Variants in MAPK4 observed in about 807,000 individuals in gnomAD.
MAPK4 encodes the protein Erk3-related.
A neutral mutation model predicts 47.7 loss-of-function variants in MAPK4; 22 were observed. That is an observed-to-expected ratio of 0.46 (90% CI 0.33 to 0.66). MAPK4 has a LOEUF of 0.66. MAPK4 is among the 30% of genes least tolerant of loss of function. The pLI, the probability that MAPK4 is intolerant of heterozygous loss-of-function variation, is 0.02. For missense variants in MAPK4, 736 were observed against 831.7 expected, an observed-to-expected ratio of 0.88 and a Z score of 1.42; for synonymous variants, 390 against 365.7, an observed-to-expected ratio of 1.07 and a Z score of -0.76.
At chr18:50,604,344 T>C (rs530805656) in intron 1 of MAPK4, among the ~76,000 whole-genome samples, 2 of 152,226 alleles carry the variant, frequency 1.3e-5, no homozygotes, top group African/African-American at 4.8e-5. Flanking sequence ...CTGAGAGTGA[T>C]CAATCATGCT....
Position 50,729,838 on chromosome 18 carries a change from C to A in MAPK4, c.1748C>A (p.Ser583Tyr). Reference protein sequence around the residue: ...PGDLVQTEAFSKERW With the variant: ...PGDLVQTEAFYKERW The stretch of plus-strand genomic sequence containing the variant: ...GACCTCGTGCAGACCGAGGCCTTCT[C>A]CAAAGAAAGGTGGTGAGGGCGGAGG... The change falls in exon 6 of 6, where the codon TCC (serine) becomes TAC (tyrosine). Residue 583 changes from serine (S) to tyrosine (Y), a missense_variant. Physicochemically the swap from Ser to Tyr is moderately radical, Grantham distance 144 (BLOSUM62 -2). Around this residue, in one of 3 missense-constraint regions of MAPK4, gnomAD observed 377 missense variants for 378.6 expected, o/e 1.00. Coordinates refer to ENST00000400384, the MANE Select transcript of MAPK4 (RefSeq NM_002747.4). 1 of 1,611,352 alleles carries A rather than the reference C, an allele frequency of 6.2e-7. No individual in the cohort carries two copies. Among genetic ancestry groups the A allele is most frequent in the Non-Finnish European group, 8.5e-7 (1 of 1,179,116 alleles).
At chr18:50,631,594 C>T (rs771382570) in intron 1 of MAPK4, among the ~76,000 whole-genome samples, 37 of 152,182 alleles carry the variant, frequency 2.4e-4, no homozygotes, top group African/African-American at 7.2e-4. Context: ...AGTCCAGGAC[C>T]GTGTGCTTGC....
intron 1 of MAPK4, among the ~76,000 whole-genome samples, chr18:50,631,723 G>A (rs1008544831): frequency 1.3e-5 from 2 of 152,102 alleles, no homozygotes; most frequent in African/African-American, 4.8e-5. Flanking sequence ...CCCAGATGAT[G>A]GTCAGTCCTC....
chr18:50,658,361 C>T (rs143022577), intron 1 of MAPK4, among the ~76,000 whole-genome samples: 11 of 152,258 alleles, frequency 7.2e-5, no homozygotes, highest in South Asian at 6.2e-4. Flanking sequence ...CATACTATGG[C>T]GATTAGAGCG....
chr18:50,606,832 GA>G (rs1453232865), intron 1 of MAPK4, among the ~76,000 whole-genome samples: 3 of 152,226 alleles, frequency 2.0e-5, no homozygotes, highest in Non-Finnish European at 4.4e-5. Context: ...TGTGTGAGCA[GA>G]AGTGACACTT....
chr18:50,657,110 A>G (rs1054587746), intron 1 of MAPK4, among the ~76,000 whole-genome samples: 2 of 152,150 alleles, frequency 1.3e-5, no homozygotes, highest in Non-Finnish European at 2.9e-5. Context: ...AACCGCATCC[A>G]CAAACAGGAA....
intron 1 of MAPK4, among the ~76,000 whole-genome samples, chr18:50,654,781 T>C (rs2043089548): frequency 6.6e-6 from 1 of 152,228 alleles, no homozygotes; most frequent in African/African-American, 2.4e-5. Context: ...GGGACCCAGA[T>C]GCTCCCCTTC....
At chr18:50,604,226 A>G in intron 1 of MAPK4, among the ~76,000 whole-genome samples, 1 of 152,228 alleles carries the variant, frequency 6.6e-6, no homozygotes, top group East Asian at 1.9e-4. Flanking sequence ...ATTTTGAGTT[A>G]CTGAGAGATT....
intron 3 of MAPK4, among the ~76,000 whole-genome samples, chr18:50,717,936 G>T (rs575108142): frequency 6.6e-6 from 1 of 152,342 alleles, no homozygotes; most frequent in South Asian, 2.1e-4. Flanking sequence ...TAGTGCTAAG[G>T]ATGGGGAGAG....
intron 1 of MAPK4, among the ~76,000 whole-genome samples, chr18:50,571,119 G>A (rs1416234867): frequency 6.6e-6 from 1 of 152,172 alleles, no homozygotes. Flanking sequence ...AAAGGGCCCT[G>A]TCTTAGGGGG....
At chr18:50,626,456 C>T (rs537410018) in intron 1 of MAPK4, among the ~76,000 whole-genome samples, 10 of 152,186 alleles carry the variant, frequency 6.6e-5, no homozygotes, top group East Asian at 3.9e-4. Flanking sequence ...TCAGCGTGGA[C>T]GGGGAGTCTG....
chr18:50,693,673 T>C (rs1435213793), intron 2 of MAPK4, among the ~76,000 whole-genome samples: 2 of 152,230 alleles, frequency 1.3e-5, no homozygotes, highest in African/African-American at 4.8e-5. Context: ...GGTGGAGTGG[T>C]GCTTTCAAGC....
At chr18:50,611,947 T>C (rs1244016713) in intron 1 of MAPK4, among the ~76,000 whole-genome samples, 2 of 152,192 alleles carry the variant, frequency 1.3e-5, no homozygotes, top group Non-Finnish European at 2.9e-5. Flanking sequence ...GATCGAAGTA[T>C]GAGTTACATA....
intron 2 of MAPK4, among the ~76,000 whole-genome samples, chr18:50,674,382 A>T (rs1908139618): frequency 6.6e-6 from 1 of 152,224 alleles, no homozygotes; most frequent in South Asian, 2.1e-4. Flanking sequence ...GTATAGAAAT[A>T]GAAGGCTCGG....
intron 1 of MAPK4, among the ~76,000 whole-genome samples, chr18:50,650,018 C>A (rs1356516129): frequency 6.6e-6 from 1 of 152,210 alleles, no homozygotes; most frequent in African/African-American, 2.4e-5. Context: ...AATAACTACA[C>A]TGTGCAGGTT....
chr18:50,580,053 G>T (rs1485344766), intron 1 of MAPK4, among the ~76,000 whole-genome samples: 1 of 152,166 alleles, frequency 6.6e-6, no homozygotes, highest in Non-Finnish European at 1.5e-5. Flanking sequence ...AGCTCTTGAG[G>T]AAATCTATTC....
In MAPK4 at chr18:50,581,619, C is replaced by A. The variant is rs190142357; in HGVS notation, c.-871+21376C>A. ...AAGAGAGTGTCAAATAATTTTTGAA[C>A]ATATTTTAAACCATCACACAAAGCA... is the stretch of plus-strand genomic sequence containing the variant. On this transcript the variant is annotated intron_variant, in intron 1 of 5. Coordinates refer to ENST00000400384, the MANE Select transcript of MAPK4 (RefSeq NM_002747.4). 6.6e-4 allele frequency among the ~76,000 whole-genome samples: 100 copies of A among 152,282 alleles called. No individual in the cohort carries two copies. In the South Asian group the frequency reaches 0.014, roughly 22 times the overall value.
At chr18:50,620,379 A>G (rs1348616589) in intron 1 of MAPK4, among the ~76,000 whole-genome samples, 1 of 152,240 alleles carries the variant, frequency 6.6e-6, no homozygotes, top group African/African-American at 2.4e-5. Context: ...CATTATATGA[A>G]GAACTTATCT....
chr18:50,687,495 T>G (rs1328935073), intron 2 of MAPK4, among the ~76,000 whole-genome samples: 1 of 152,214 alleles, frequency 6.6e-6, no homozygotes, highest in African/African-American at 2.4e-5. Flanking sequence ...GCTCACTCAG[T>G]TTGCGAGTTT....
Sources: gnomAD v4.1 joint callset for allele counts (sites outside exome capture counted in the v4.1 genomes callset) on GRCh38, gnomAD v4.1.1 for gene constraint, gnomAD v4.1.1 regional missense constraint, MANE v1.5 for transcripts, NCBI Gene and HGNC (gene_info 2026-07-23, HGNC 2026-07-21) for gene names.